MARF1: variants seen among roughly 807,000 people sequenced by gnomAD.
MARF1 encodes the protein limkain-b1.
In MARF1, 24 loss-of-function variants were observed where a neutral mutation model predicts 168.2. The ratio of observed to expected loss-of-function variants is 0.14; its 90% confidence interval spans 0.10 to 0.20. The LOEUF (loss-of-function observed/expected upper bound fraction) is 0.20, where lower values mean the gene tolerates loss of function less well. Ranked by LOEUF, MARF1 falls within the 10% of genes least tolerant of loss-of-function variation. MARF1 has a pLI of 1.00. For missense variants in MARF1, 1,744 were observed against 2,143.6 expected, an observed-to-expected ratio of 0.81 and a Z score of 3.68; for synonymous variants, 868 against 822.4, an observed-to-expected ratio of 1.06 and a Z score of -0.95.
At chr16:15,600,872 G>T in intron 23 of MARF1, 171 bp from the exon 24 acceptor site, 1 of 744,208 alleles carries the variant, frequency 1.3e-6, no homozygotes, top group Non-Finnish European at 2.4e-6. Context: ...AGCAACAGAA[G>T]CTGACAGAAA....
At chr16:15,606,780 C>T (rs543684933) in intron 21 of MARF1, among the ~76,000 whole-genome samples, 4 of 152,274 alleles carry the variant, frequency 2.6e-5, no homozygotes, top group African/African-American at 7.2e-5. Context: ...GACAGATCCA[C>T]ATCAATGGCT....
chr16:15,617,825 CCT>C (rs749402013), intron 13 of MARF1, among the ~76,000 whole-genome samples: 29 of 152,172 alleles, frequency 1.9e-4, no homozygotes, highest in South Asian at 1.0e-3. Flanking sequence ...GAGTTGGAAA[CCT>C]CTCTCGATGC....
intron 26 of MARF1, among the ~76,000 whole-genome samples, chr16:15,598,146 A>G (rs2031951993): frequency 6.6e-6 from 1 of 152,212 alleles, no homozygotes; most frequent in Admixed American, 6.5e-5. Context: ...GAGACACCGC[A>G]GGACAAGAGG....
intron 18 of MARF1, among the ~76,000 whole-genome samples, chr16:15,611,372 C>A (rs1164443089): frequency 6.9e-6 from 1 of 144,014 alleles, no homozygotes; most frequent in Admixed American, 7.4e-5. Context: ...GGCAGGACAA[C>A]GGCATAAACC....
intron 25 of MARF1, among the ~76,000 whole-genome samples, chr16:15,600,126 T>G (rs1218653692): frequency 2.0e-5 from 3 of 152,172 alleles, no homozygotes. Flanking sequence ...GTCATGAATA[T>G]CCATTATAAT....
chr16:15,600,720 A>C lies in MARF1; in HGVS notation c.4627-19T>G. On this transcript the variant is annotated intron_variant, in intron 23 of 26. Coordinates refer to ENST00000396368, the MANE Select transcript of MARF1 (RefSeq NM_014647.4). ...AGACCACCTGCACACAAGACATACT[A>C]CTGGTTAAGCAGCGGAAAAGGAGGG... 6.2e-7 allele frequency: 1 copy of C among 1,613,204 alleles called. No individual in the cohort carries two copies. Among genetic ancestry groups the C allele is most frequent in the South Asian group, 1.1e-5 (1 of 91,076 alleles).
Position 15,625,000 on chromosome 16 carries a change from G to C in MARF1, c.2111+16C>G, listed in dbSNP as rs1265435919. 6.2e-7 allele frequency: 1 copy of C among 1,613,820 alleles called. No individual in the cohort carries two copies. Among genetic ancestry groups the C allele is most frequent in the Non-Finnish European group, 8.5e-7 (1 of 1,179,834 alleles). On this transcript the variant is annotated intron_variant, in intron 9 of 26. Transcript: ENST00000396368. ...ACATTCAAGAAGCAGCTATGAGAAA[G>C]AGTAGTTTCACATACTTCTGACTGG...
At chr16:15,618,998 G>C (rs2034261914) in intron 13 of MARF1, among the ~76,000 whole-genome samples, 1 of 152,248 alleles carries the variant, frequency 6.6e-6, no homozygotes, top group African/African-American at 2.4e-5. Flanking sequence ...TACTCTGGCT[G>C]GACGTGGTGG....
rs777199095 is a variant in MARF1, at chr16:15,609,505, T to G, written c.3954+18A>C. The G allele has an allele frequency of 1.9e-6, 3 of 1,590,206 alleles. No homozygotes were observed. The East Asian group carries it at 6.7e-5, about 36-fold the overall frequency. ...TGTTCAGAAAAATACTTTATAAAAT[T>G]AGAATTTCTTCACTCACTTGTAAAG... On this transcript the variant is annotated intron_variant, in intron 20 of 26. Coordinates refer to ENST00000396368, the MANE Select transcript of MARF1 (RefSeq NM_014647.4).
chr16:15,637,991 AC>A (rs1176794852), intron 2 of MARF1, among the ~76,000 whole-genome samples: 1 of 151,828 alleles, frequency 6.6e-6, no homozygotes, highest in Non-Finnish European at 1.5e-5. Context: ...ACACGGTGAA[AC>A]CCCATCTCTA....
intron 21 of MARF1, 140 bp downstream of exon 21, chr16:15,608,151 G>C (rs1180951851): frequency 1.6e-6 from 1 of 622,612 alleles, no homozygotes; most frequent in African/African-American, 1.9e-5. Flanking sequence ...CACAAAACGA[G>C]TCATAATGCT....
intron 4 of MARF1, 77 bp from the exon 5 acceptor site, chr16:15,633,920 A>G (rs2035414665): frequency 8.2e-7 from 1 of 1,220,368 alleles, no homozygotes; most frequent in Non-Finnish European, 1.2e-6. Context: ...TAAACTACCT[A>G]TCATTCTCAG....
intron 20 of MARF1, 166 bp from the exon 21 acceptor site, chr16:15,608,684 A>G (rs2033245332): frequency 1.6e-6 from 1 of 609,712 alleles, no homozygotes; most frequent in Non-Finnish European, 2.9e-6. Flanking sequence ...TCGGTTGCAT[A>G]ACAATGTGAA....
chr16:15,610,713 G>A, intron 19 of MARF1: 1 of 351,156 alleles, frequency 2.8e-6, no homozygotes, highest in Non-Finnish European at 5.2e-6. Context: ...CCAGGCTGCA[G>A]AAGGCATTTG....
At chr16:15,642,172 C>T (rs1248009924) in intron 1 of MARF1, among the ~76,000 whole-genome samples, 2 of 152,078 alleles carry the variant, frequency 1.3e-5, no homozygotes, top group Admixed American at 6.6e-5. Context: ...TCCTTAGCAC[C>T]CAATCTAGTC....
chr16:15,625,392 T>C lies in MARF1; in HGVS notation c.1933A>G (p.Thr645Ala). ...QANSGSATKN[T>A]NVKSLQELCR... ...ATTACCTGTAAACTTTTAACATTTG[T>C]ATTTTTTGTAGCAGATCCAGAATTT... Residue 645 changes from threonine to alanine, a missense_variant, in exon 8 of 27, where the codon ACA becomes GCA. Transcript: ENST00000396368. 1 of 1,603,880 alleles carries C rather than the reference T, an allele frequency of 6.2e-7. No individual in the cohort carries two copies.
chr16:15,627,809 TTAAAGA>T (rs1381656498), intron 7 of MARF1, among the ~76,000 whole-genome samples: 1 of 152,154 alleles, frequency 6.6e-6, no homozygotes, highest in Non-Finnish European at 1.5e-5. Context: ...TTGCACTGTG[TTAAAGA>T]TTAAAAGTCA....
At chr16:15,608,752 T>A in intron 20 of MARF1, 1 of 540,402 alleles carries the variant, frequency 1.9e-6, no homozygotes, top group South Asian at 2.8e-5. Flanking sequence ...AAGTTCTATG[T>A]TATGTGTATT....
intron 17 of MARF1, among the ~76,000 whole-genome samples, chr16:15,612,275 G>A (rs2033637027): frequency 2.0e-5 from 3 of 152,194 alleles, no homozygotes; most frequent in Admixed American, 2.0e-4. Flanking sequence ...ATCATGAACA[G>A]TTCTGGAGAA....
Sources: gnomAD v4.1 joint callset for allele counts (sites outside exome capture counted in the v4.1 genomes callset) on GRCh38, gnomAD v4.1.1 for gene constraint, MANE v1.5 for transcripts, NCBI Gene and HGNC (gene_info 2026-07-23, HGNC 2026-07-21) for gene names.